SPRN: variants seen among roughly 807,000 people sequenced by gnomAD.
SPRN encodes hypothetical protein BC004409.
For missense variants in SPRN, 312 were observed against 241.4 expected (o/e 1.29, Z -1.94); for synonymous variants, 182 against 123.4 (o/e 1.48, Z -3.15).
rs1850281161 is a variant in SPRN, at chr10:133,423,017, G to C, written c.*209C>G. ...CTAACATCCTGGAGTGGGTGGGGCAGGGCCCATGGTCTCCTCTAGGTGGGA... is the reference window on the plus strand; with the variant it reads ...CTAACATCCTGGAGTGGGTGGGGCACGGCCCATGGTCTCCTCTAGGTGGGA... On this transcript the variant is annotated 3_prime_UTR_variant, in exon 2 of 2. Transcript: ENST00000685335. 3 of 495,260 alleles carry C rather than the reference G, an allele frequency of 6.1e-6. No homozygotes were observed. Among genetic ancestry groups the C allele is most frequent in the Admixed American group, 3.8e-5 (1 of 26,142 alleles). 30.7% of individuals were successfully genotyped at this position (495,260 alleles called of 1,614,324 possible).
intron 1 of SPRN, among the ~76,000 whole-genome samples, chr10:133,423,982 GCCTC>G (rs767203712): frequency 4.7e-4 from 17 of 36,528 alleles, no homozygotes; most frequent in Non-Finnish European, 1.6e-3. Flanking sequence ...GAGCGTTCAG[GCCTC>G]TGGGGGCGTC....
At position 133,422,917 on chromosome 10, in the gene SPRN, T is replaced by G; in HGVS notation, c.*309A>C. 3.7e-6 allele frequency: 1 copy of G among 273,642 alleles called. No individual in the cohort carries two copies. The highest frequency in any genetic ancestry group is 6.8e-6 in the Non-Finnish European group (1 of 145,986). The allele number at this position is 273,642 out of a possible 1,614,324, so 17.0% of individuals were successfully genotyped here. On this transcript the variant is annotated 3_prime_UTR_variant, in exon 2 of 2. Transcript: ENST00000685335. ...TGGGTTCCTGGCCTTGGCACCTCCCTTTGGGCGGCGATGGAGCGTGGCTGG... is the reference window on the plus strand; with the variant it reads ...TGGGTTCCTGGCCTTGGCACCTCCCGTTGGGCGGCGATGGAGCGTGGCTGG...
Position 133,423,227 on chromosome 10 carries a change from T to A in SPRN, c.455A>T (p.Ter152LeuextTer78), listed in dbSNP as rs1179117270. The A allele has an allele frequency of 2.8e-6, 4 of 1,444,878 alleles. No homozygotes were observed. The Admixed American group carries it at 9.5e-5, about 34-fold the overall frequency. 89.5% of individuals were successfully genotyped at this position (1,444,878 alleles called of 1,614,324 possible). Residue 152 changes from the stop codon to leucine (L), a stop_lost, in exon 2 of 2, where the codon TAG becomes TTG. Transcript: ENST00000685335. ...ALGALGLLRP* is the reference protein window; with the variant it reads ...ALGALGLLRPL Reference sequence around the variant, plus strand: ...TGTGGTCCCCGAGCCCAGCCAGGCCTAGGGCCGCAGCAGCCCCAGGGCTCC... The same window carrying A: ...TGTGGTCCCCGAGCCCAGCCAGGCCAAGGGCCGCAGCAGCCCCAGGGCTCC...
intron 1 of SPRN, among the ~76,000 whole-genome samples, 184 bp from the exon 2 acceptor site, chr10:133,423,881 C>G (rs1169981952): frequency 2.6e-5 from 4 of 152,264 alleles, no homozygotes; most frequent in African/African-American, 7.2e-5. Context: ...GGACTTAGGC[C>G]TGGGGGAGGC....
Position 133,423,340 on chromosome 10 carries a change from G to T in SPRN, c.342C>A (p.Gly114=), listed in dbSNP as rs1256463117. 4 of 1,520,610 alleles carry T rather than the reference G, an allele frequency of 2.6e-6. No individual in the cohort carries two copies. The East Asian group carries it at 7.8e-5, about 30-fold the overall frequency. 94.2% of individuals were successfully genotyped at this position (1,520,610 alleles called of 1,614,324 possible). ...EDGVPGGNGT[G]PGIYSYRAWT... ...ACGCCCGGTAGCTGTAGATGCCGGG[G>T]CCTGTCCCGTTGCCTCCGGGCACCC... Residue 114 remains glycine (G), a synonymous_variant, in exon 2 of 2, where the codon GGC becomes GGA. Coordinates refer to ENST00000685335, the MANE Select transcript of SPRN (RefSeq NM_001391974.1).
Position 133,423,523 on chromosome 10 carries a change from C to A in SPRN, c.159G>T (p.Pro53=). The A allele has an allele frequency of 3.3e-6, 4 of 1,195,476 alleles. No individual in the cohort carries two copies. The highest frequency in any genetic ancestry group is 6.7e-4 in the Middle Eastern group (2 of 2,972). The allele number at this position is 1,195,476 out of a possible 1,614,324, so 74.1% of individuals were successfully genotyped here. ...ARGASRVRVR[P]AQRYGAPGSS... ...AGCCCGGGGCACCGTAGCGCTGCGC[C>A]GGCCTCACGCGCACCCTCGAGGCCC... The change falls in exon 2 of 2, where the codon CCG becomes CCT. Residue 53 remains proline, a synonymous_variant. Coordinates refer to ENST00000685335, the MANE Select transcript of SPRN (RefSeq NM_001391974.1).
Position 133,423,448 on chromosome 10 carries a change from TCCCGCCGCCGCCCCGGCTGCCGC to T in SPRN, c.211_233del (p.Ala71SerfsTer216), listed in dbSNP as rs1256830706. ...AGCCCGCCGCCAGGCCCGCGGCCGCTCCCGCCGCCGCCCCGGCTGCCGCCCCGGCGGCAGCCACGCGCAGGGAG... is the reference window on the plus strand; with the variant it reads ...AGCCCGCCGCCAGGCCCGCGGCCGCTCCCGGCGGCAGCCACGCGCAGGGAG... On this transcript the variant is annotated frameshift_variant, in exon 2 of 2. Coordinates refer to ENST00000685335, the MANE Select transcript of SPRN (RefSeq NM_001391974.1). LOFTEE classifies it low-confidence loss of function (END_TRUNC). 19 of 1,234,064 alleles carry T rather than the reference TCCCGCCGCCGCCCCGGCTGCCGC, an allele frequency of 1.5e-5. 1 individual carries two copies. The highest frequency in any genetic ancestry group is 6.7e-5 in the East Asian group (2 of 29,798). 76.4% of individuals were successfully genotyped at this position (1,234,064 alleles called of 1,614,324 possible). A position where few individuals can be genotyped will look rare whatever the true frequency, so the allele number is the denominator to read the frequency against.
chr10:133,423,354 C>T lies in SPRN; in HGVS notation c.328G>A (p.Gly110Ser), dbSNP rs967368508. ...LEDEEDGVPG[G>S]NGTGPGIYSY... is the part of the protein sequence containing the mutation. The stretch of plus-strand genomic sequence containing the variant: ...TAGATGCCGGGGCCTGTCCCGTTGC[C>T]TCCGGGCACCCCGTCCTCCTCGTCC... Residue 110 changes from glycine (G) to serine (S), a missense_variant, in exon 2 of 2, where the codon GGC becomes AGC. Transcript: ENST00000685335. The T allele has an allele frequency of 5.5e-5, 83 of 1,516,066 alleles. No homozygotes were observed. The highest frequency in any genetic ancestry group is 8.6e-5 in the African/African-American group (6 of 69,930). The allele number at this position is 1,516,066 out of a possible 1,614,324, so 93.9% of individuals were successfully genotyped here.
rs1850272837 is a variant in SPRN at position 133,422,665 on chromosome 10, C to T, written c.*561G>A. Reference sequence around the variant, plus strand: ...GTTCCTCGGACGGACGGTTTTCCTGCTTGGGAATGTTCCTGGGCTGTGAGA... The same window carrying T: ...GTTCCTCGGACGGACGGTTTTCCTGTTTGGGAATGTTCCTGGGCTGTGAGA... On this transcript the variant is annotated 3_prime_UTR_variant, in exon 2 of 2. Transcript: ENST00000685335. The T allele has an allele frequency of 6.6e-6, 1 of 152,336 alleles. No homozygotes were observed. Among genetic ancestry groups the T allele is most frequent in the African/African-American group, 2.4e-5 (1 of 41,438 alleles). The allele number at this position is 152,336 out of a possible 1,614,324, so 9.4% of individuals were successfully genotyped here.
chr10:133,423,166 G>C lies in SPRN; in HGVS notation c.*60C>G. 1 of 1,356,704 alleles carries C rather than the reference G, an allele frequency of 7.4e-7. No individual in the cohort carries two copies. The highest frequency in any genetic ancestry group is 9.6e-7 in the Non-Finnish European group (1 of 1,046,416). The allele number at this position is 1,356,704 out of a possible 1,614,324, so 84.0% of individuals were successfully genotyped here. On this transcript the variant is annotated 3_prime_UTR_variant, in exon 2 of 2. Coordinates refer to ENST00000685335, the MANE Select transcript of SPRN (RefSeq NM_001391974.1). Reference sequence around the variant, plus strand: ...AGGGAGGAAGGGGGAGCCCAGGCCGGAGGATCCTGGGGGATGGCGCGGGCC... The same window carrying C: ...AGGGAGGAAGGGGGAGCCCAGGCCGCAGGATCCTGGGGGATGGCGCGGGCC...
intron 1 of SPRN, among the ~76,000 whole-genome samples, chr10:133,424,178 C>T (rs1458415416): frequency 4.0e-4 from 55 of 137,498 alleles, no homozygotes; most frequent in Non-Finnish European, 1.1e-4. Flanking sequence ...GGCCTGGTCC[C>T]CACCTTTGGG....
chr10:133,423,207 T>G lies in SPRN; in HGVS notation c.*19A>C. 7.1e-7 allele frequency: 1 copy of G among 1,401,098 alleles called. No homozygotes were observed. Among genetic ancestry groups the G allele is most frequent in the Non-Finnish European group, 9.3e-7 (1 of 1,076,562 alleles). The allele number at this position is 1,401,098 out of a possible 1,614,324, so 86.8% of individuals were successfully genotyped here. A position where few individuals can be genotyped will look rare whatever the true frequency, so the allele number is the denominator to read the frequency against. ...GGCGCGGGCCGGGGGCCAGATGTGG[T>G]CCCCGAGCCCAGCCAGGCCTAGGGC... On this transcript the variant is annotated 3_prime_UTR_variant, in exon 2 of 2. Transcript: ENST00000685335.
Position 133,423,006 on chromosome 10 carries a change from T to C in SPRN, c.*220A>G, listed in dbSNP as rs1166680045. 2.0e-5 allele frequency: 9 copies of C among 446,468 alleles called. No individual in the cohort carries two copies. The East Asian group carries it at 2.5e-4, about 12-fold the overall frequency. The allele number at this position is 446,468 out of a possible 1,614,324, so 27.7% of individuals were successfully genotyped here. On this transcript the variant is annotated 3_prime_UTR_variant, in exon 2 of 2. Coordinates refer to ENST00000685335, the MANE Select transcript of SPRN (RefSeq NM_001391974.1). ...CTGAGGGGACCCTAACATCCTGGAG[T>C]GGGTGGGGCAGGGCCCATGGTCTCC...
chr10:133,423,004 AGTG>A lies in SPRN; in HGVS notation c.*219_*221del, dbSNP rs1850280760. 1 of 449,906 alleles carries A rather than the reference AGTG, an allele frequency of 2.2e-6. No homozygotes were observed. The highest frequency in any genetic ancestry group is 4.1e-5 in the Admixed American group (1 of 24,384). 27.9% of individuals were successfully genotyped at this position (449,906 alleles called of 1,614,324 possible). On this transcript the variant is annotated 3_prime_UTR_variant, in exon 2 of 2. Coordinates refer to ENST00000685335, the MANE Select transcript of SPRN (RefSeq NM_001391974.1). ...GGCTGAGGGGACCCTAACATCCTGG[AGTG>A]GGTGGGGCAGGGCCCATGGTCTCCT...
At chr10:133,424,110 T>G (rs1850315525) in intron 1 of SPRN, among the ~76,000 whole-genome samples, 2 of 126,618 alleles carry the variant, frequency 1.6e-5, no homozygotes, top group East Asian at 2.6e-4. Context: ...GAGGACGCGG[T>G]AGCCGGGACC....
rs1047585146 is a variant in SPRN at position 133,420,826 on chromosome 10, G to C, written c.*2400C>G. The C allele has an allele frequency of 1.3e-5, 2 of 152,384 alleles. No homozygotes were observed. Among genetic ancestry groups the C allele is most frequent in the African/African-American group, 4.8e-5 (2 of 41,472 alleles). The allele number at this position is 152,384 out of a possible 1,614,324, so 9.4% of individuals were successfully genotyped here. The stretch of plus-strand genomic sequence containing the variant: ...CCTGCACATGGCTTTGCTGTGCAAT[G>C]ACTGGAAGGCCGCCCGGCATGGGCA... On this transcript the variant is annotated 3_prime_UTR_variant, in exon 2 of 2. Coordinates refer to ENST00000685335, the MANE Select transcript of SPRN (RefSeq NM_001391974.1).
Position 133,423,277 on chromosome 10 carries a change from G to C in SPRN, c.405C>G (p.Leu135=), listed in dbSNP as rs1474800652. The C allele has an allele frequency of 3.0e-5, 45 of 1,515,782 alleles. No individual in the cohort carries two copies. Among genetic ancestry groups the C allele is most frequent in the Non-Finnish European group, 3.7e-5 (42 of 1,137,196 alleles). 93.9% of individuals were successfully genotyped at this position (1,515,782 alleles called of 1,614,324 possible). ...SGAGPTRGPR[L]CLVLGGALGA... ...CGAGGGCGCCGCCCAGCACGAGACA[G>C]AGACGCGGGCCGCGCGTGGGTCCAG... The change falls in exon 2 of 2, where the codon CTC becomes CTG. Residue 135 remains leucine, a synonymous_variant. Transcript: ENST00000685335.
At position 133,423,620 on chromosome 10, in the gene SPRN, C is replaced by G. The variant is rs1351911245; in HGVS notation, c.62G>C (p.Ser21Thr). The G allele has an allele frequency of 1.3e-6, 2 of 1,558,604 alleles. No homozygotes were observed. Residue 21 changes from serine (S) to threonine (T), a missense_variant, in exon 2 of 2, where the codon AGC becomes ACC. Physicochemically the swap from Ser to Thr is moderately conservative, Grantham distance 58. Coordinates refer to ENST00000685335, the MANE Select transcript of SPRN (RefSeq NM_001391974.1). ...TCCGCGGCCGCCCTTGGCTGCGCCG[C>G]TGTCGCAGAGGAAGGCGGCCGCCAG... ...LLLAAAFLCD[S>T]GAAKGGRGGA... is the part of the protein sequence containing the mutation.
At position 133,423,317 on chromosome 10, in the gene SPRN, G is replaced by C; in HGVS notation, c.365C>G (p.Ala122Gly). 6.6e-7 allele frequency: 1 copy of C among 1,522,360 alleles called. No homozygotes were observed. Among genetic ancestry groups the C allele is most frequent in the South Asian group, 1.2e-5 (1 of 82,010 alleles). The allele number at this position is 1,522,360 out of a possible 1,614,324, so 94.3% of individuals were successfully genotyped here. Residue 122 changes from alanine to glycine, a missense_variant, in exon 2 of 2, where the codon GCG becomes GGG. Coordinates refer to ENST00000685335, the MANE Select transcript of SPRN (RefSeq NM_001391974.1). ...CGTGGGTCCAGCGCCCGAAGTCCACGCCCGGTAGCTGTAGATGCCGGGGCC... is the reference window on the plus strand; with the variant it reads ...CGTGGGTCCAGCGCCCGAAGTCCACCCCCGGTAGCTGTAGATGCCGGGGCC... ...GTGPGIYSYR[A>G]WTSGAGPTRG...
Sources: allele counts gnomAD v4.1 joint callset (sites outside exome capture counted in the v4.1 genomes callset), GRCh38; gene constraint gnomAD v4.1.1; transcripts MANE v1.5; gene names NCBI Gene and HGNC (gene_info 2026-07-23, HGNC 2026-07-21).